The following KCNIP1 variants were observed in gnomAD, a reference collection of about 807,000 sequenced individuals.
The protein encoded by KCNIP1 is potassium voltage-gated channel interacting protein 1, also known as A-type potassium channel modulatory protein KCNIP1.
KCNIP1 carries 18 observed loss-of-function variants against 33.0 expected under a neutral mutation model. The ratio of observed to expected loss-of-function variants is 0.55; its 90% CI spans 0.38 to 0.81. The LOEUF is 0.81. Ranked by LOEUF, KCNIP1 falls within the 30% of genes least tolerant of loss-of-function variation. The probability of loss-of-function intolerance (pLI) is 0.00; values close to 1 mark genes in which losing one functional copy is unlikely to be tolerated. For synonymous variants in KCNIP1, 93 were observed against 98.3 expected (o/e 0.95, Z 0.32); for missense variants, 238 against 271.6 (o/e 0.88, Z 0.87).
At chr5:170,601,804 G>C (rs924228272) in intron 1 of KCNIP1, among the ~76,000 whole-genome samples, 1 of 152,242 alleles carries the variant, frequency 6.6e-6, no homozygotes. Context: ...ATCGAGCATG[G>C]TAAGGGACTG....
intron 1 of KCNIP1, among the ~76,000 whole-genome samples, chr5:170,644,194 GC>G (rs1760694486): frequency 6.6e-6 from 1 of 152,186 alleles, no homozygotes; most frequent in South Asian, 2.1e-4. Flanking sequence ...CATTCTTTCT[GC>G]AAATATTCAC....
intron 1 of KCNIP1, among the ~76,000 whole-genome samples, chr5:170,486,819 C>A (rs1757103218): frequency 6.6e-6 from 1 of 152,198 alleles, no homozygotes. Flanking sequence ...CTTTCCTCCC[C>A]AGCCTGTACC....
chr5:170,482,013 C>G (rs1489451241), intron 1 of KCNIP1, among the ~76,000 whole-genome samples: 1 of 152,200 alleles, frequency 6.6e-6, no homozygotes, highest in African/African-American at 2.4e-5. Flanking sequence ...GCTGCTAAAG[C>G]ATTCTGCTTC....
chr5:170,422,932 A>C (rs1755529875), intron 1 of KCNIP1: 1 of 152,266 alleles, frequency 6.6e-6, no homozygotes, highest in Non-Finnish European at 1.5e-5. Context: ...CCAAAAATCC[A>C]AAACTCAGCT....
intron 1 of KCNIP1, among the ~76,000 whole-genome samples, chr5:170,520,804 C>T (rs924085521): frequency 2.0e-4 from 30 of 152,316 alleles, no homozygotes; most frequent in Non-Finnish European, 1.8e-4. Flanking sequence ...ACACCACTTC[C>T]TTCAGGGAAG....
chr5:170,382,233 A>G (rs1179809263), intron 1 of KCNIP1, among the ~76,000 whole-genome samples: 2 of 152,208 alleles, frequency 1.3e-5, no homozygotes, highest in East Asian at 3.8e-4. Flanking sequence ...CCCATTGCCA[A>G]CAGCAATAAT....
At chr5:170,644,712 C>T (rs1760716238) in intron 1 of KCNIP1, among the ~76,000 whole-genome samples, 1 of 152,260 alleles carries the variant, frequency 6.6e-6, no homozygotes, top group Admixed American at 6.5e-5. Flanking sequence ...TGGCTGGAAG[C>T]CCAGAGTCCA....
chr5:170,599,882 C>G (rs4428429), intron 1 of KCNIP1, among the ~76,000 whole-genome samples: 79,592 of 152,128 alleles, frequency 0.52, 21,789 homozygotes, highest in Admixed American at 0.59. Context: ...ACAGCACTTC[C>G]GTCCTTTTAA....
intron 1 of KCNIP1, among the ~76,000 whole-genome samples, chr5:170,402,360 T>A (rs1018520435): frequency 6.6e-6 from 1 of 152,186 alleles, no homozygotes; most frequent in African/African-American, 2.4e-5. Context: ...TTAGCCACGA[T>A]GGACTAACTG....
intron 1 of KCNIP1, among the ~76,000 whole-genome samples, chr5:170,546,789 CATTATT>C (rs1424182321): frequency 1.3e-5 from 2 of 152,040 alleles, no homozygotes. Flanking sequence ...ACAAATTAGA[CATTATT>C]ATTATTAATA....
At chr5:170,626,101 G>A (rs1365547121) in intron 1 of KCNIP1, among the ~76,000 whole-genome samples, 1 of 152,228 alleles carries the variant, frequency 6.6e-6, no homozygotes, top group African/African-American at 2.4e-5. Context: ...AGTTTGGAAG[G>A]TGCTGGAAGG....
chr5:170,534,220 T>C (rs772665828), intron 1 of KCNIP1, among the ~76,000 whole-genome samples: 2 of 152,160 alleles, frequency 1.3e-5, no homozygotes, highest in Non-Finnish European at 2.9e-5. Context: ...GAATGGAAAG[T>C]TCCTAATTAG....
intron 1 of KCNIP1, among the ~76,000 whole-genome samples, chr5:170,561,549 A>G (rs1426317257): frequency 6.6e-6 from 1 of 152,220 alleles, no homozygotes; most frequent in Non-Finnish European, 1.5e-5. Context: ...CAGTACCTAC[A>G]GGGCAGAATC....
chr5:170,622,999 A>G (rs1344932633), intron 1 of KCNIP1, among the ~76,000 whole-genome samples: 1 of 152,234 alleles, frequency 6.6e-6, no homozygotes, highest in Non-Finnish European at 1.5e-5. Context: ...CATTAGCATT[A>G]GTTAGATTCT....
intron 1 of KCNIP1, among the ~76,000 whole-genome samples, chr5:170,620,570 T>C (rs1382001253): frequency 2.0e-5 from 3 of 152,242 alleles, no homozygotes; most frequent in African/African-American, 4.8e-5. Context: ...GCCAAAGTCC[T>C]GCTCAAACTG....
chr5:170,686,921 C>A (rs1341197202), intron 1 of KCNIP1, among the ~76,000 whole-genome samples: 1 of 152,082 alleles, frequency 6.6e-6, no homozygotes, highest in Non-Finnish European at 1.5e-5. Flanking sequence ...CCTTGCCCTG[C>A]ACTTTTTGTG....
At chr5:170,436,076 C>T (rs1755855995) in intron 1 of KCNIP1, among the ~76,000 whole-genome samples, 2 of 152,184 alleles carry the variant, frequency 1.3e-5, no homozygotes, top group Admixed American at 6.5e-5. Context: ...ATCCACCCTA[C>T]AGGACTGTGG....
At chr5:170,434,469 A>G (rs1211348468) in intron 1 of KCNIP1, among the ~76,000 whole-genome samples, 2 of 151,920 alleles carry the variant, frequency 1.3e-5, no homozygotes, top group African/African-American at 4.8e-5. Context: ...GTATCATCAT[A>G]CCTCTCCCCA....
intron 1 of KCNIP1, among the ~76,000 whole-genome samples, chr5:170,599,335 A>G (rs1372698560): frequency 6.6e-6 from 1 of 152,148 alleles, no homozygotes; most frequent in African/African-American, 2.4e-5. Flanking sequence ...GGGGCCTCTC[A>G]TCCAGACACA....
Sources: allele counts gnomAD v4.1 joint callset (sites outside exome capture counted in the v4.1 genomes callset), GRCh38; gene constraint gnomAD v4.1.1; transcripts MANE v1.5; gene names NCBI Gene and HGNC (gene_info 2026-07-23, HGNC 2026-07-21).